RNF130: variants seen among roughly 807,000 people sequenced by gnomAD.
RNF130 encodes the protein ring finger protein 130.
In RNF130, 21 loss-of-function variants were observed where a neutral mutation model predicts 44.6. That is an observed-to-expected ratio of 0.47 (90% confidence interval 0.33 to 0.68). The LOEUF (loss-of-function observed/expected upper bound fraction) is 0.68, where lower values mean the gene tolerates loss of function less well. Among genes scored for constraint, RNF130 ranks in the 30% least tolerant of loss-of-function variants. RNF130 has a pLI of 0.02. For synonymous variants in RNF130, 214 were observed against 210.4 expected (o/e 1.02, Z -0.15); for missense variants, 479 against 560.6 (o/e 0.85, Z 1.47).
At chr5:179,965,666 C>T (rs1762425793) in intron 7 of RNF130, among the ~76,000 whole-genome samples, 1 of 152,088 alleles carries the variant, frequency 6.6e-6, no homozygotes, top group Non-Finnish European at 1.5e-5. Flanking sequence ...AGTAAGAAAA[C>T]CATGAAATGC....
chr5:179,968,624 C>G (rs1762506949), intron 6 of RNF130, among the ~76,000 whole-genome samples: 2 of 149,216 alleles, frequency 1.3e-5, no homozygotes, highest in Non-Finnish European at 3.0e-5. Context: ...TGAGATCACA[C>G]CACTGCACTC....
intron 3 of RNF130, among the ~76,000 whole-genome samples, chr5:180,012,316 C>G (rs1190929974): frequency 6.6e-6 from 1 of 152,180 alleles, no homozygotes; most frequent in African/African-American, 2.4e-5. Flanking sequence ...AATCACTCTC[C>G]AAGCAAGTCA....
At chr5:179,962,126 C>A (rs1342162484) in intron 8 of RNF130, among the ~76,000 whole-genome samples, 1 of 152,226 alleles carries the variant, frequency 6.6e-6, no homozygotes, top group Non-Finnish European at 1.5e-5. Flanking sequence ...GTGCGCCATG[C>A]TGAAGGAAAA....
At chr5:180,038,504 T>C (rs913324957) in intron 2 of RNF130, among the ~76,000 whole-genome samples, 12 of 151,800 alleles carry the variant, frequency 7.9e-5, no homozygotes, top group African/African-American at 1.9e-4. Context: ...CAAAACAGGT[T>C]CTTTAAGACT....
chr5:179,922,080 T>C (rs1245065085), intron 7 of RNF130, among the ~76,000 whole-genome samples: 1 of 151,566 alleles, frequency 6.6e-6, no homozygotes, highest in Non-Finnish European at 1.5e-5. Flanking sequence ...CCTATGGTAG[T>C]CTCAGCTCCT....
chr5:179,956,638 CCTCA>C (rs1249927751), intron 8 of RNF130: 1 of 152,670 alleles, frequency 6.6e-6, no homozygotes, highest in East Asian at 1.9e-4. Context: ...TCTGTGCGGT[CCTCA>C]CTGTGTGCCC....
intron 2 of RNF130, among the ~76,000 whole-genome samples, chr5:180,019,340 C>A (rs1205266198): frequency 6.6e-6 from 1 of 150,776 alleles, no homozygotes; most frequent in Non-Finnish European, 1.5e-5. Flanking sequence ...GCCGAGATCA[C>A]GCCACTGCAC....
In RNF130 at chr5:180,066,885, T is replaced by C. The variant is rs576063345; in HGVS notation, c.247+4571A>G. Among the ~76,000 whole-genome samples, 10 of 151,966 alleles carry C rather than the reference T, an allele frequency of 6.6e-5. No individual in the cohort carries two copies. The East Asian group carries it at 1.5e-3, about 23-fold the overall frequency. On this transcript the variant is annotated intron_variant, in intron 1 of 8. Transcript: ENST00000521389. Reference sequence around the variant, plus strand: ...AATAAAAATAAAAAAATTAGCCAGGTATAATGGCATGCACCTGCAGTCTCA... The same window carrying C: ...AATAAAAATAAAAAAATTAGCCAGGCATAATGGCATGCACCTGCAGTCTCA...
chr5:180,057,117 G>C (rs1433088164), intron 1 of RNF130, among the ~76,000 whole-genome samples: 1 of 152,222 alleles, frequency 6.6e-6, no homozygotes, highest in African/African-American at 2.4e-5. Context: ...TTGGAAGATG[G>C]GGTCTGGTTG....
chr5:179,942,455 GTATTA>G (rs1261314832), intron 7 of RNF130, among the ~76,000 whole-genome samples: 3 of 152,112 alleles, frequency 2.0e-5, no homozygotes, highest in African/African-American at 7.2e-5. Flanking sequence ...AAAATCTATA[GTATTA>G]TATGTTCTTA....
chr5:179,936,533 T>G (rs1205263762), intron 7 of RNF130, among the ~76,000 whole-genome samples: 1 of 152,168 alleles, frequency 6.6e-6, no homozygotes, highest in East Asian at 1.9e-4. Flanking sequence ...CTAGCCAACT[T>G]TATTTTCAAT....
chr5:179,958,415 C>A (rs896259430), intron 8 of RNF130, among the ~76,000 whole-genome samples: 1 of 152,100 alleles, frequency 6.6e-6, no homozygotes, highest in Non-Finnish European at 1.5e-5. Flanking sequence ...TTTAGAAAGT[C>A]TGAAAAACAC....
intron 3 of RNF130, among the ~76,000 whole-genome samples, chr5:179,985,071 ATTAAT>A (rs757575796): frequency 4.7e-5 from 7 of 150,092 alleles, no homozygotes; most frequent in Non-Finnish European, 7.4e-5. Flanking sequence ...GTCATCTCCT[ATTAAT>A]TTAATTACTC....
chr5:179,974,639 G>A (rs546446080), intron 5 of RNF130, among the ~76,000 whole-genome samples: 50 of 152,368 alleles, frequency 3.3e-4, no homozygotes, highest in East Asian at 3.9e-4. Context: ...CCTCCCTCAC[G>A]GAGGGAAGAG....
At chr5:180,045,358 A>G (rs1200966948) in intron 1 of RNF130, among the ~76,000 whole-genome samples, 1 of 152,170 alleles carries the variant, frequency 6.6e-6, no homozygotes, top group Non-Finnish European at 1.5e-5. Context: ...GTATGTCCGG[A>G]GTTTCTTCTT....
At chr5:179,959,488 C>T (rs1023506124) in intron 8 of RNF130, among the ~76,000 whole-genome samples, 13 of 151,936 alleles carry the variant, frequency 8.6e-5, no homozygotes, top group African/African-American at 1.2e-4. Flanking sequence ...ATTAGCTGGG[C>T]GTGGTGGCGG....
At chr5:179,939,200 G>A (rs1008049487) in intron 7 of RNF130, among the ~76,000 whole-genome samples, 10 of 152,090 alleles carry the variant, frequency 6.6e-5, no homozygotes, top group Non-Finnish European at 1.2e-4. Flanking sequence ...CTGGGATACA[G>A]AGCAAGACTC....
At chr5:180,066,771 T>G (rs1024494021) in intron 1 of RNF130, among the ~76,000 whole-genome samples, 1 of 151,932 alleles carries the variant, frequency 6.6e-6, no homozygotes, top group Admixed American at 6.6e-5. Context: ...AGGTGGAGGT[T>G]GCGGTGAGCC....
intron 7 of RNF130, among the ~76,000 whole-genome samples, chr5:179,949,772 G>A (rs747330908): frequency 1.3e-5 from 2 of 152,162 alleles, no homozygotes; most frequent in Admixed American, 6.5e-5. Context: ...CGCTTGGCAC[G>A]CAGCTGCAAC....
Sources: allele counts gnomAD v4.1 joint callset (sites outside exome capture counted in the v4.1 genomes callset), GRCh38; gene constraint gnomAD v4.1.1; transcripts MANE v1.5; gene names NCBI Gene and HGNC (gene_info 2026-07-23, HGNC 2026-07-21).